Variants in FHOD3 observed in about 807,000 individuals in gnomAD.
The protein encoded by FHOD3 is formin homology 2 domain containing 3.
FHOD3 carries 90 observed loss-of-function variants against 173.0 expected under a neutral mutation model. That is an observed-to-expected ratio of 0.52 (90% confidence interval 0.44 to 0.62). The LOEUF is 0.62. Among genes scored for constraint, FHOD3 ranks in the 20% least tolerant of loss-of-function variants. The probability of loss-of-function intolerance (pLI) is 0.00; values close to 1 mark genes in which losing one functional copy is unlikely to be tolerated. For missense variants in FHOD3, 1,945 were observed against 2,034.7 expected, an observed-to-expected ratio of 0.96 and a Z score of 0.85; for synonymous variants, 828 against 823.0, an observed-to-expected ratio of 1.01 and a Z score of -0.10.
rs568820953 is a variant in FHOD3 at position 36,514,783 on chromosome 18, G to C, written c.511+2240G>C. Among the ~76,000 whole-genome samples, 8 of 152,206 alleles carry C rather than the reference G, an allele frequency of 5.3e-5. No homozygotes were observed. The South Asian group carries it at 1.5e-3, about 28-fold the overall frequency. Reference sequence around the variant, plus strand: ...AGTTTACCTCCAAGCCCAGGCGAGGGGCACAACTCTGCCCGCTGTGGTCAG... The same window carrying C: ...AGTTTACCTCCAAGCCCAGGCGAGGCGCACAACTCTGCCCGCTGTGGTCAG... On this transcript the variant is annotated intron_variant, in intron 5 of 28. Transcript: ENST00000590592.
At position 36,297,779 on chromosome 18, in the gene FHOD3, TCCCGGCCCGCGGCCCCGCTAAC is replaced by T; in HGVS notation, c.-51_-30del. 7.0e-7 allele frequency: 1 copy of T among 1,433,126 alleles called. No individual in the cohort carries two copies. Among genetic ancestry groups the T allele is most frequent in the Non-Finnish European group, 9.2e-7 (1 of 1,084,686 alleles). 88.8% of individuals were successfully genotyped at this position (1,433,126 alleles called of 1,614,324 possible). A position where few individuals can be genotyped will look rare whatever the true frequency, so the allele number is the denominator to read the frequency against. On this transcript the variant is annotated 5_prime_UTR_variant, in exon 1 of 29. Transcript: ENST00000590592. Reference sequence around the variant, plus strand: ...TCCCCTGCGCGCAGCTACCCGGGCGTCCCGGCCCGCGGCCCCGCTAACCCCGGGGCCCGCGCCCCCGCGGCAG... The same window carrying T: ...TCCCCTGCGCGCAGCTACCCGGGCGTCCCGGGGCCCGCGCCCCCGCGGCAG...
chr18:36,476,573 C>G (rs1207560705), intron 3 of FHOD3, among the ~76,000 whole-genome samples: 1 of 152,182 alleles, frequency 6.6e-6, no homozygotes, highest in Non-Finnish European at 1.5e-5. Context: ...CCGTAGGATA[C>G]TCAGTGCTCA....
intron 3 of FHOD3, among the ~76,000 whole-genome samples, chr18:36,470,140 A>G (rs1047345531): frequency 6.6e-6 from 1 of 152,158 alleles, no homozygotes; most frequent in South Asian, 2.1e-4. Context: ...CCTCTGGAGC[A>G]GGTCCTAGGA....
intron 17 of FHOD3, among the ~76,000 whole-genome samples, chr18:36,707,399 C>T (rs1426082521): frequency 6.6e-6 from 1 of 152,202 alleles, no homozygotes; most frequent in Non-Finnish European, 1.5e-5. Context: ...TACTCCTCCA[C>T]CCCCAAATTC....
chr18:36,423,102 G>A (rs988942596), intron 3 of FHOD3, among the ~76,000 whole-genome samples: 1 of 50,078 alleles, frequency 2.0e-5, no homozygotes, highest in Non-Finnish European at 3.7e-5. Flanking sequence ...ATTCCTCCCC[G>A]GCCCTCGATT....
chr18:36,388,712 C>T (rs2048148030), intron 3 of FHOD3, among the ~76,000 whole-genome samples: 1 of 152,274 alleles, frequency 6.6e-6, no homozygotes, highest in Non-Finnish European at 1.5e-5. Flanking sequence ...CACACGTTGC[C>T]TCTTCCACAG....
chr18:36,716,910 G>GTGTA (rs1393468693), intron 18 of FHOD3, among the ~76,000 whole-genome samples: 1 of 143,544 alleles, frequency 7.0e-6, no homozygotes, highest in African/African-American at 2.7e-5. Flanking sequence ...AATTATATAT[G>GTGTA]TGTATGTGTG....
At chr18:36,678,843 C>A (rs187733979) in intron 14 of FHOD3, among the ~76,000 whole-genome samples, 111 of 152,128 alleles carry the variant, frequency 7.3e-4, no homozygotes, top group African/African-American at 2.4e-3. Flanking sequence ...CAGATTTTTG[C>A]GTTGGTGTTC....
rs2036490209 is a variant in FHOD3 at position 36,657,286 on chromosome 18, GTGTC to G, written c.1722-786_1722-783del. 2.6e-5 allele frequency among the ~76,000 whole-genome samples: 4 copies of G among 152,332 alleles called. No homozygotes were observed. In the South Asian group the frequency reaches 8.3e-4, roughly 32 times the overall value. ...CCTCATTATTTGTAAGTAATCCTGA[GTGTC>G]TGAGCCCATGCAAGGGCATCAAATA... On this transcript the variant is annotated intron_variant, in intron 13 of 28. Transcript: ENST00000590592.
intron 1 of FHOD3, among the ~76,000 whole-genome samples, chr18:36,336,081 A>G (rs562877299): frequency 2.0e-5 from 3 of 152,278 alleles, no homozygotes; most frequent in African/African-American, 7.2e-5. Flanking sequence ...AACATCTGGG[A>G]AGGATTACTC....
chr18:36,415,491 G>C (rs1198203268), intron 3 of FHOD3, among the ~76,000 whole-genome samples: 1 of 152,146 alleles, frequency 6.6e-6, no homozygotes, highest in East Asian at 1.9e-4. Flanking sequence ...AGCACGCAAG[G>C]ATTTATTCAT....
At chr18:36,682,130 G>A (rs900879633) in intron 15 of FHOD3, among the ~76,000 whole-genome samples, 2 of 152,080 alleles carry the variant, frequency 1.3e-5, no homozygotes, top group African/African-American at 4.8e-5. Context: ...CTCATTCCAG[G>A]TTCCATATCT....
chr18:36,584,359 C>T (rs971436345), intron 6 of FHOD3, among the ~76,000 whole-genome samples: 3 of 152,126 alleles, frequency 2.0e-5, no homozygotes, highest in Non-Finnish European at 4.4e-5. Flanking sequence ...GAGTGACACT[C>T]GACATCTTTC....
chr18:36,533,588 A>G (rs1371618915), intron 5 of FHOD3, among the ~76,000 whole-genome samples: 1 of 152,218 alleles, frequency 6.6e-6, no homozygotes, highest in Non-Finnish European at 1.5e-5. Context: ...GGCCTTTTTA[A>G]TGGTCTCCCG....
At chr18:36,715,540 ATTCC>A (rs1217077213) in intron 18 of FHOD3, among the ~76,000 whole-genome samples, 4 of 152,208 alleles carry the variant, frequency 2.6e-5, no homozygotes, top group African/African-American at 9.6e-5. Flanking sequence ...ATTCCTGATC[ATTCC>A]TTCATTCATT....
chr18:36,537,511 T>C lies in FHOD3; in HGVS notation c.511+24968T>C, dbSNP rs1418267498. Among the ~76,000 whole-genome samples the C allele has an allele frequency of 2.0e-5, 3 of 152,028 alleles. No individual in the cohort carries two copies. The South Asian group carries it at 6.2e-4, about 32-fold the overall frequency. ...CCTGGTGGTAATGGTTACCCTTTCT[T>C]CTCCTTGCTGGGTGGGTGTCAGAGA... On this transcript the variant is annotated intron_variant, in intron 5 of 28. Coordinates refer to ENST00000590592, the MANE Select transcript of FHOD3 (RefSeq NM_001281740.3).
chr18:36,779,299 G>A (rs779368982), intron 28 of FHOD3, 149 bp from the exon 29 acceptor site: 2 of 660,040 alleles, frequency 3.0e-6, no homozygotes, highest in Non-Finnish European at 5.2e-6. Context: ...ACTTCAGCAA[G>A]AGCAGGAAGG....
At chr18:36,435,767 A>G (rs2050779612) in intron 3 of FHOD3, among the ~76,000 whole-genome samples, 2 of 152,342 alleles carry the variant, frequency 1.3e-5, no homozygotes, top group East Asian at 1.9e-4. Context: ...GTGTAATTTC[A>G]TCATGTTGAT....
intron 18 of FHOD3, among the ~76,000 whole-genome samples, chr18:36,712,382 G>A (rs1200692353): frequency 2.0e-5 from 3 of 151,858 alleles, no homozygotes; most frequent in Non-Finnish European, 4.4e-5. Context: ...TAGGGAATAC[G>A]TAAAAAGTAA....
Sources: allele counts gnomAD v4.1 joint callset (sites outside exome capture counted in the v4.1 genomes callset), GRCh38; gene constraint gnomAD v4.1.1; transcripts MANE v1.5; gene names NCBI Gene and HGNC (gene_info 2026-07-23, HGNC 2026-07-21).